KCNH7: variants seen among roughly 807,000 people sequenced by gnomAD.
KCNH7 encodes the protein voltage-gated inwardly rectifying potassium channel KCNH7.
Under a neutral mutation model 120.8 loss-of-function variants are expected in KCNH7, and 49 were observed. The ratio of observed to expected loss-of-function variants is 0.41; its 90% CI spans 0.32 to 0.51. The LOEUF (loss-of-function observed/expected upper bound fraction) is 0.51. KCNH7 is among the 20% of genes least tolerant of loss of function. KCNH7 has a pLI of 0.38. For synonymous variants in KCNH7, 547 were observed against 516.1 expected (o/e 1.06, Z -0.81); for missense variants, 1,097 against 1,446.6 (o/e 0.76, Z 3.92).
chr2:162,725,236 T>C (rs1380849822), intron 2 of KCNH7, among the ~76,000 whole-genome samples: 1 of 152,228 alleles, frequency 6.6e-6, no homozygotes, highest in Admixed American at 6.5e-5. Context: ...CAATTAATCA[T>C]ATTCCTATTG....
At chr2:162,794,182 C>T (rs1254902941) in intron 2 of KCNH7, among the ~76,000 whole-genome samples, 1 of 148,960 alleles carries the variant, frequency 6.7e-6, no homozygotes, top group Admixed American at 6.8e-5. Context: ...CTGGCTAGAA[C>T]TTGATAGTAA....
intron 6 of KCNH7, among the ~76,000 whole-genome samples, chr2:162,483,223 T>C (rs959879183): frequency 6.6e-6 from 1 of 152,212 alleles, no homozygotes; most frequent in Admixed American, 6.5e-5. Context: ...AAATAATGCA[T>C]AGAAAATATT....
chr2:162,376,354 T>G (rs1299214601), intron 14 of KCNH7, among the ~76,000 whole-genome samples: 1 of 150,146 alleles, frequency 6.7e-6, no homozygotes, highest in Non-Finnish European at 1.5e-5. Flanking sequence ...GCTTCCCTAC[T>G]CAAAGTGTGG....
At chr2:162,681,522 T>C (rs1012458845) in intron 2 of KCNH7, among the ~76,000 whole-genome samples, 2 of 151,680 alleles carry the variant, frequency 1.3e-5, no homozygotes, top group South Asian at 2.1e-4. Flanking sequence ...TAAGAGAAAA[T>C]AGAAAAATGT....
Position 162,468,543 on chromosome 2 carries a change from C to A in KCNH7, c.1129-22100G>T, listed in dbSNP as rs186213575. On this transcript the variant is annotated intron_variant, in intron 6 of 15. Coordinates refer to ENST00000332142, the MANE Select transcript of KCNH7 (RefSeq NM_033272.4). ...TTTTTTTTTTTTTTTTTTTTTCAGA[C>A]GGAGTCTCAGTCTGTTGCCCAGGAT... Among the ~76,000 whole-genome samples, 224 of 97,422 alleles carry A rather than the reference C, an allele frequency of 2.3e-3. 1 individual carries two copies. Among genetic ancestry groups the A allele is most frequent in the Non-Finnish European group, 3.3e-3 (185 of 55,470 alleles). The allele number at this position is 97,422 out of a possible 152,430, so 63.9% of individuals were successfully genotyped here.
chr2:162,385,795 G>A (rs1387024753), intron 12 of KCNH7, among the ~76,000 whole-genome samples: 4 of 151,790 alleles, frequency 2.6e-5, no homozygotes, highest in East Asian at 1.9e-4. Context: ...TCCACTCTAC[G>A]CCTCAGTGTG....
chr2:162,583,737 A>G (rs1693946469), intron 2 of KCNH7, among the ~76,000 whole-genome samples: 1 of 152,092 alleles, frequency 6.6e-6, no homozygotes, highest in African/African-American at 2.4e-5. Context: ...GAGTAACAGT[A>G]TTTAATATTA....
At chr2:162,393,589 C>A (rs1573907463) in intron 12 of KCNH7, among the ~76,000 whole-genome samples, 3 of 151,736 alleles carry the variant, frequency 2.0e-5, no homozygotes, top group African/African-American at 7.3e-5. Context: ...AAAGAGTATT[C>A]AAGAAAAAGA....
chr2:162,373,630 G>A lies in KCNH7; in HGVS notation c.3164C>T (p.Thr1055Ile). The change falls in exon 15 of 16, where the codon ACC becomes ATC. Residue 1055 changes from threonine to isoleucine, a missense_variant. Around this residue, in one of 8 missense-constraint regions of KCNH7, gnomAD observed 406 missense variants for 410.5 expected, o/e 0.99. Transcript: ENST00000332142. ...LESQMTTDIQ[T>I]ILQLLQKQTT... is the part of the protein sequence containing the mutation. ...TTGTTTCTGCAGCAACTGTAAGATG[G>A]TCTGGATGTCAGTGGTCATTTGGGA... 6.5e-7 allele frequency: 1 copy of A among 1,547,682 alleles called. No homozygotes were observed. The highest frequency in any genetic ancestry group is 8.7e-7 in the Non-Finnish European group (1 of 1,145,288).
chr2:162,382,392 G>T (rs1686443946), intron 13 of KCNH7, among the ~76,000 whole-genome samples: 1 of 152,040 alleles, frequency 6.6e-6, no homozygotes. Flanking sequence ...GTAATCAAAT[G>T]AACATCCTTG....
intron 4 of KCNH7, among the ~76,000 whole-genome samples, chr2:162,513,200 CCCTT>C (rs1691142555): frequency 9.2e-6 from 1 of 108,506 alleles, no homozygotes; most frequent in Admixed American, 9.6e-5. Flanking sequence ...CTCCCTCCTT[CCCTT>C]CCTCCCTTCC....
chr2:162,590,361 A>G (rs572381498), intron 2 of KCNH7, among the ~76,000 whole-genome samples: 17 of 152,224 alleles, frequency 1.1e-4, no homozygotes, highest in African/African-American at 3.6e-4. Flanking sequence ...GGAAAGAGCT[A>G]GAGCAAGTAT....
At chr2:162,438,149 A>T (rs1688311858) in intron 7 of KCNH7, among the ~76,000 whole-genome samples, 1 of 152,212 alleles carries the variant, frequency 6.6e-6, no homozygotes, top group African/African-American at 2.4e-5. Flanking sequence ...ATAGTTGGTT[A>T]AATGAAGTGA....
intron 2 of KCNH7, among the ~76,000 whole-genome samples, chr2:162,577,360 T>TCATCTATCCATC (rs72410381): frequency 9.2e-6 from 1 of 108,550 alleles, no homozygotes; most frequent in South Asian, 2.9e-4. Context: ...TATCTATCTA[T>TCATCTATCCATC]CTATCTATCT....
chr2:162,760,931 C>A (rs1221979984), intron 2 of KCNH7, among the ~76,000 whole-genome samples: 1 of 152,080 alleles, frequency 6.6e-6, no homozygotes, highest in Non-Finnish European at 1.5e-5. Flanking sequence ...ACATTATTTA[C>A]GTGTAGAATA....
intron 2 of KCNH7, among the ~76,000 whole-genome samples, chr2:162,551,165 C>T (rs778994857): frequency 1.9e-4 from 29 of 151,970 alleles, no homozygotes; most frequent in Non-Finnish European, 3.8e-4. Flanking sequence ...CATCAGAAGG[C>T]GAGTTCTTAA....
At chr2:162,776,176 T>C (rs1474899154) in intron 2 of KCNH7, among the ~76,000 whole-genome samples, 1 of 152,172 alleles carries the variant, frequency 6.6e-6, no homozygotes, top group Non-Finnish European at 1.5e-5. Flanking sequence ...TCCACATCCA[T>C]TGTGTGGTGC....
At chr2:162,592,059 C>A (rs979980062) in intron 2 of KCNH7, among the ~76,000 whole-genome samples, 1 of 151,966 alleles carries the variant, frequency 6.6e-6, no homozygotes, top group Non-Finnish European at 1.5e-5. Context: ...ACCGGAAAAG[C>A]GAGAAGGGGA....
At chr2:162,691,628 C>T (rs1456012854) in intron 2 of KCNH7, among the ~76,000 whole-genome samples, 1 of 152,048 alleles carries the variant, frequency 6.6e-6, no homozygotes, top group Non-Finnish European at 1.5e-5. Context: ...CATCTCTACT[C>T]ATGAAAATAA....
Sources: gnomAD v4.1 joint callset for allele counts (sites outside exome capture counted in the v4.1 genomes callset) on GRCh38, gnomAD v4.1.1 for gene constraint, gnomAD v4.1.1 regional missense constraint, MANE v1.5 for transcripts, NCBI Gene and HGNC (gene_info 2026-07-23, HGNC 2026-07-21) for gene names.